The following FBXW8 variants were observed in gnomAD, a reference collection of about 807,000 sequenced individuals.
FBXW8 encodes F-box and WD repeat domain containing 8, also known as F-box/WD repeat-containing protein 8.
Under a neutral mutation model 65.3 loss-of-function variants are expected in FBXW8, and 57 were observed. The observed-to-expected ratio is 0.87, with a 90% CI of 0.71 to 1.09. The LOEUF (loss-of-function observed/expected upper bound fraction) is 1.09. Among genes scored for constraint, FBXW8 ranks in the 50% least tolerant of loss-of-function variants. The pLI is 0.00. For missense variants in FBXW8, 777 were observed against 814.8 expected, an observed-to-expected ratio of 0.95 and a Z score of 0.57; for synonymous variants, 308 against 330.2, an observed-to-expected ratio of 0.93 and a Z score of 0.73.
At chr12:116,924,813 C>G (rs1881192561) in intron 1 of FBXW8, among the ~76,000 whole-genome samples, 1 of 152,198 alleles carries the variant, frequency 6.6e-6, no homozygotes, top group African/African-American at 2.4e-5. Context: ...CAAATATGCT[C>G]ACAACTCTGC....
chr12:116,980,392 CTGTT>C (rs1265456106), intron 5 of FBXW8: 1 of 152,200 alleles, frequency 6.6e-6, no homozygotes, highest in Non-Finnish European at 1.5e-5. Flanking sequence ...CAGTGGGTGT[CTGTT>C]TCTTACAACC....
intron 7 of FBXW8, among the ~76,000 whole-genome samples, chr12:117,006,520 G>A (rs1037030722): frequency 6.6e-6 from 1 of 152,194 alleles, no homozygotes; most frequent in Non-Finnish European, 1.5e-5. Flanking sequence ...TGCCCACGGC[G>A]GTGGCTGATG....
At chr12:116,920,678 C>T (rs956840427) in intron 1 of FBXW8, among the ~76,000 whole-genome samples, 4 of 152,084 alleles carry the variant, frequency 2.6e-5, no homozygotes, top group Non-Finnish European at 4.4e-5. Flanking sequence ...TAGGCCAAGA[C>T]GGGCAAGTGC....
At chr12:116,988,955 T>G in intron 7 of FBXW8, 86 bp downstream of exon 7, 3 of 1,320,050 alleles carry the variant, frequency 2.3e-6, no homozygotes, top group Non-Finnish European at 3.2e-6. Context: ...AGCTCTTCAA[T>G]ATTTTTCCAG....
In FBXW8 at chr12:116,964,677, A is replaced by T; in HGVS notation, c.678-20A>T. 1 of 1,613,084 alleles carries T rather than the reference A, an allele frequency of 6.2e-7. No homozygotes were observed. The highest frequency in any genetic ancestry group is 8.5e-7 in the Non-Finnish European group (1 of 1,179,774). ...GCTCTTCAATCTCCTTTTGGAACCA[A>T]GTGTGTCGTTCTCTTCCAGATATAC... On this transcript the variant is annotated intron_variant, in intron 4 of 10. Transcript: ENST00000652555.
At position 117,010,446 on chromosome 12, in the gene FBXW8, G is replaced by A. The variant is rs201482214; in HGVS notation, c.1363G>A (p.Gly455Arg). The part of the protein sequence containing the change: ...PNLMVSGNMD[G>R]RVRIHDLRSG... The stretch of plus-strand genomic sequence containing the variant: ...CCTCATGGTCAGTGGCAACATGGAC[G>A]GGAGGTACGTGAGTTGGAAGGGCAT... Residue 455 changes from glycine to arginine, a missense_variant, in exon 8 of 11, where the codon GGG (glycine) becomes AGG (arginine). Coordinates refer to ENST00000652555, the MANE Select transcript of FBXW8 (RefSeq NM_153348.3). 1.2e-4 allele frequency: 190 copies of A among 1,614,234 alleles called. 1 individual carries two copies. In the East Asian group the frequency reaches 3.0e-3, roughly 26 times the overall value.
At chr12:116,917,821 T>C (rs1031486512) in intron 1 of FBXW8, among the ~76,000 whole-genome samples, 2 of 151,998 alleles carry the variant, frequency 1.3e-5, no homozygotes, top group Non-Finnish European at 2.9e-5. Flanking sequence ...TGAAACCCTG[T>C]CTCTACTAAA....
intron 3 of FBXW8, among the ~76,000 whole-genome samples, chr12:116,947,545 C>T (rs553442014): frequency 6.6e-6 from 1 of 151,686 alleles, no homozygotes; most frequent in African/African-American, 2.4e-5. Context: ...GTTAGGAGTT[C>T]CATGGCCAAT....
chr12:117,030,341 C>A lies in FBXW8; in HGVS notation c.*2169C>A, dbSNP rs897961542. 2.0e-5 allele frequency: 3 copies of A among 152,134 alleles called. No individual in the cohort carries two copies. Among genetic ancestry groups the A allele is most frequent in the African/African-American group, 7.2e-5 (3 of 41,426 alleles). 9.4% of individuals were successfully genotyped at this position (152,134 alleles called of 1,614,324 possible). A position where few individuals can be genotyped will look rare whatever the true frequency, so the allele number is the denominator to read the frequency against. On this transcript the variant is annotated 3_prime_UTR_variant, in exon 11 of 11. Coordinates refer to ENST00000652555, the MANE Select transcript of FBXW8 (RefSeq NM_153348.3). ...CTGCTTCCTTTCAACCAGATAACTTCCTAAGTGGAGATGGCCTGTAGGTAG... is the reference window on the plus strand; with the variant it reads ...CTGCTTCCTTTCAACCAGATAACTTACTAAGTGGAGATGGCCTGTAGGTAG...
intron 5 of FBXW8, among the ~76,000 whole-genome samples, chr12:116,968,422 T>C (rs914457258): frequency 1.1e-4 from 17 of 152,240 alleles, no homozygotes; most frequent in African/African-American, 3.9e-4. Context: ...ACCTTGGCTT[T>C]TTTCTCTAAA....
intron 2 of FBXW8, among the ~76,000 whole-genome samples, chr12:116,937,761 C>T (rs1593059528): frequency 1.3e-5 from 2 of 151,992 alleles, no homozygotes; most frequent in African/African-American, 4.8e-5. Flanking sequence ...ATGTGTGAAC[C>T]TGTGAAGGGA....
intron 7 of FBXW8, among the ~76,000 whole-genome samples, chr12:116,993,936 T>C (rs1425407556): frequency 6.6e-6 from 1 of 152,232 alleles, no homozygotes. Context: ...AGTTTTATTT[T>C]TCTACATGTG....
At chr12:116,925,444 C>T (rs149329255) in intron 1 of FBXW8, among the ~76,000 whole-genome samples, 47 of 152,246 alleles carry the variant, frequency 3.1e-4, no homozygotes, top group African/African-American at 8.7e-4. Context: ...TCTAAGTGTG[C>T]GGCATGAAAC....
chr12:117,015,131 G>A (rs1007880574), intron 8 of FBXW8, among the ~76,000 whole-genome samples: 5 of 152,142 alleles, frequency 3.3e-5, no homozygotes, highest in Admixed American at 2.6e-4. Flanking sequence ...AGTTTCTATT[G>A]GAGTTCTAGC....
intron 5 of FBXW8, among the ~76,000 whole-genome samples, chr12:116,969,445 A>G (rs1304975681): frequency 6.6e-6 from 1 of 152,114 alleles, no homozygotes; most frequent in Non-Finnish European, 1.5e-5. Context: ...TTACACTAAC[A>G]TTTTCGTGAA....
chr12:116,959,366 G>C (rs1883845605), intron 4 of FBXW8, among the ~76,000 whole-genome samples: 1 of 152,212 alleles, frequency 6.6e-6, no homozygotes, highest in Admixed American at 6.5e-5. Context: ...TGAGGAGGCA[G>C]AGTGGCTTGT....
chr12:117,001,467 A>G (rs1029450049), intron 7 of FBXW8, among the ~76,000 whole-genome samples: 1 of 152,194 alleles, frequency 6.6e-6, no homozygotes, highest in Middle Eastern at 3.2e-3. Context: ...TTCATGTGCA[A>G]TGTTCACTAA....
chr12:117,028,015 G>C lies in FBXW8; in HGVS notation c.1653-13G>C. On this transcript the variant is annotated splice_polypyrimidine_tract_variant and intron_variant, in intron 10 of 10. Coordinates refer to ENST00000652555, the MANE Select transcript of FBXW8 (RefSeq NM_153348.3). This position sits in a 1 kb window ranked among gnomAD's most constrained non-coding sequence, Gnocchi z 4.1. ...GCAGCCCTGACCTGTCACCATCTTT[G>C]TGCTCTTTCTAGACACCGGGGGCTG... 1.2e-6 allele frequency: 2 copies of C among 1,613,866 alleles called. No homozygotes were observed. The highest frequency in any genetic ancestry group is 1.7e-6 in the Non-Finnish European group (2 of 1,180,012).
intron 1 of FBXW8, among the ~76,000 whole-genome samples, chr12:116,923,205 C>T (rs1420930019): frequency 6.6e-6 from 1 of 151,826 alleles, no homozygotes; most frequent in Non-Finnish European, 1.5e-5. Flanking sequence ...GACTCTGTCT[C>T]AAAAGAAAAG....
Sources: gnomAD v4.1 joint callset for allele counts (sites outside exome capture counted in the v4.1 genomes callset) on GRCh38, gnomAD v4.1.1 for gene constraint, Gnocchi (gnomAD v3.1) non-coding constraint, MANE v1.5 for transcripts, NCBI Gene and HGNC (gene_info 2026-07-23, HGNC 2026-07-21) for gene names.